Variants in SLC4A5 observed in about 807,000 individuals in gnomAD.
The protein encoded by SLC4A5 is electrogenic sodium bicarbonate cotransporter 4.
Under a neutral mutation model 120.4 loss-of-function variants are expected in SLC4A5, and 96 were observed. That is an observed-to-expected ratio of 0.80 (90% confidence interval 0.68 to 0.94). SLC4A5 has a LOEUF of 0.94. Among genes scored for constraint, SLC4A5 ranks in the 40% least tolerant of loss-of-function variants. The probability of loss-of-function intolerance (pLI) is 0.00; values close to 1 mark genes in which losing one functional copy is unlikely to be tolerated. For missense variants in SLC4A5, 1,259 were observed against 1,459.5 expected, an observed-to-expected ratio of 0.86 and a Z score of 2.24; for synonymous variants, 550 against 571.1, an observed-to-expected ratio of 0.96 and a Z score of 0.53.
chr2:74,279,751 T>G (rs1006297801), intron 8 of SLC4A5, among the ~76,000 whole-genome samples: 11 of 152,242 alleles, frequency 7.2e-5, no homozygotes, highest in African/African-American at 2.7e-4. Flanking sequence ...TCCAATGTAA[T>G]AAAACTTTAC....
At chr2:74,225,410 A>G (rs139623313) in intron 27 of SLC4A5, among the ~76,000 whole-genome samples, 125 of 152,300 alleles carry the variant, frequency 8.2e-4, no homozygotes, top group African/African-American at 2.8e-3. Context: ...AGCCTGGCCA[A>G]CATGGTGAAA....
chr2:74,340,899 G>A (rs1161059236), intron 2 of SLC4A5, among the ~76,000 whole-genome samples: 2 of 152,134 alleles, frequency 1.3e-5, no homozygotes, highest in Admixed American at 1.3e-4. Flanking sequence ...TCTTTAGGTA[G>A]GACTGGAAAT....
intron 21 of SLC4A5, among the ~76,000 whole-genome samples, chr2:74,235,973 G>A (rs987518075): frequency 1.3e-5 from 2 of 152,174 alleles, no homozygotes; most frequent in African/African-American, 4.8e-5. Context: ...TGAAGGGCAG[G>A]GGCAGGTGAC....
chr2:74,309,402 A>G (rs1672740273), intron 6 of SLC4A5, among the ~76,000 whole-genome samples: 1 of 152,106 alleles, frequency 6.6e-6, no homozygotes, highest in South Asian at 2.1e-4. Flanking sequence ...TGTTCTTTTG[A>G]CAATATCACA....
At chr2:74,300,060 T>G (rs1672432269) in intron 7 of SLC4A5, among the ~76,000 whole-genome samples, 1 of 152,248 alleles carries the variant, frequency 6.6e-6, no homozygotes, top group East Asian at 1.9e-4. Context: ...AAGGAAATTC[T>G]GCCATTTGTT....
chr2:74,222,333 A>C (rs754868633), intron 29 of SLC4A5, among the ~76,000 whole-genome samples: 1 of 152,160 alleles, frequency 6.6e-6, no homozygotes, highest in East Asian at 1.9e-4. Flanking sequence ...TGCCTCAACT[A>C]AAGTGAGAAT....
intron 12 of SLC4A5, among the ~76,000 whole-genome samples, chr2:74,258,570 G>A (rs3771724): frequency 0.35 from 52,569 of 152,140 alleles, 12,983 homozygotes; most frequent in East Asian, 0.75. Context: ...TTACTTCCAA[G>A]TTAAGGGCTC....
intron 12 of SLC4A5, among the ~76,000 whole-genome samples, chr2:74,258,606 C>T (rs1404904859): frequency 6.6e-6 from 1 of 152,166 alleles, no homozygotes; most frequent in Non-Finnish European, 1.5e-5. Context: ...TAGGTCAAAT[C>T]AAAGTTCTGT....
At chr2:74,286,999 T>C (rs1672005281) in intron 7 of SLC4A5, among the ~76,000 whole-genome samples, 3 of 152,096 alleles carry the variant, frequency 2.0e-5, no homozygotes, top group South Asian at 2.1e-4. Flanking sequence ...CCTGGAGTCA[T>C]CATTACCTCA....
chr2:74,319,217 G>A (rs1052472265), intron 5 of SLC4A5, among the ~76,000 whole-genome samples: 1 of 152,172 alleles, frequency 6.6e-6, no homozygotes, highest in African/African-American at 2.4e-5. Flanking sequence ...CAAAAGGTAG[G>A]AGGGTAGGAA....
At chr2:74,229,318 C>T (rs569470088) in intron 25 of SLC4A5, among the ~76,000 whole-genome samples, 11 of 150,594 alleles carry the variant, frequency 7.3e-5, no homozygotes, top group East Asian at 5.9e-4. Context: ...GGTGCAATCT[C>T]GGCTCACTGC....
intron 16 of SLC4A5, chr2:74,250,933 A>G (rs1156348237): frequency 5.7e-6 from 1 of 176,186 alleles, no homozygotes; most frequent in Admixed American, 5.7e-5. Context: ...AGATTCATTA[A>G]GAACAGATCC....
chr2:74,282,556 G>C (rs1158642735), intron 8 of SLC4A5, among the ~76,000 whole-genome samples: 1 of 152,232 alleles, frequency 6.6e-6, no homozygotes, highest in Non-Finnish European at 1.5e-5. Flanking sequence ...ACCCCTTTAT[G>C]TTTTAGGAGA....
At chr2:74,273,755 A>G (rs1671547231) in intron 8 of SLC4A5, among the ~76,000 whole-genome samples, 2 of 152,262 alleles carry the variant, frequency 1.3e-5, no homozygotes, top group Non-Finnish European at 2.9e-5. Context: ...TAATTCACTT[A>G]GAAGCCCGTT....
At chr2:74,235,334 G>A in intron 21 of SLC4A5, 120 bp from the exon 22 acceptor site, 1 of 683,072 alleles carries the variant, frequency 1.5e-6, no homozygotes, top group African/African-American at 1.8e-5. Context: ...GAAGGCAGCA[G>A]AACTAGGCTC....
chr2:74,283,018 T>C (rs538082212), intron 8 of SLC4A5, among the ~76,000 whole-genome samples: 3 of 152,182 alleles, frequency 2.0e-5, no homozygotes, highest in African/African-American at 7.2e-5. Context: ...CCTGTCAATC[T>C]TGGATAGGCA....
chr2:74,232,294 C>T (rs1670115153), intron 24 of SLC4A5, among the ~76,000 whole-genome samples, 175 bp downstream of exon 24: 1 of 152,174 alleles, frequency 6.6e-6, no homozygotes, highest in Admixed American at 6.5e-5. Flanking sequence ...TAGAGCTGGA[C>T]TTCTGTCTCT....
At chr2:74,222,272 G>T (rs1052117479) in intron 29 of SLC4A5, among the ~76,000 whole-genome samples, 2 of 152,234 alleles carry the variant, frequency 1.3e-5, no homozygotes, top group Non-Finnish European at 2.9e-5. Context: ...AGGGCCAGGA[G>T]ATGCCACAGG....
intron 7 of SLC4A5, among the ~76,000 whole-genome samples, chr2:74,287,582 G>A (rs967757835): frequency 6.6e-6 from 1 of 152,128 alleles, no homozygotes; most frequent in African/African-American, 2.4e-5. Context: ...CCCTCAGCAA[G>A]TCTCAAGTGC....
Sources: gnomAD v4.1 joint callset for allele counts (sites outside exome capture counted in the v4.1 genomes callset) on GRCh38, gnomAD v4.1.1 for gene constraint, MANE v1.5 for transcripts, NCBI Gene and HGNC (gene_info 2026-07-23, HGNC 2026-07-21) for gene names.